Variants in SAMMSON observed in about 807,000 individuals in gnomAD.
The protein encoded by SAMMSON is survival associated mitochondrial melanoma specific oncogenic non-coding RNA, also known as long intergenic non-protein coding RNA 1212.
chr3:70,406,806 G>A (rs1701181687), intron 2 of SAMMSON, among the ~76,000 whole-genome samples: 1 of 152,170 alleles, frequency 6.6e-6, no homozygotes, highest in South Asian at 2.1e-4. Context: ...AGGTAAAAGA[G>A]AGACAATAGT....
At chr3:70,111,166 G>C (rs1328045398) in intron 4 of SAMMSON, among the ~76,000 whole-genome samples, 1 of 152,128 alleles carries the variant, frequency 6.6e-6, no homozygotes, top group African/African-American at 2.4e-5. Context: ...ATAATGACAT[G>C]GTGTTGGGAT....
intron 3 of SAMMSON, among the ~76,000 whole-genome samples, chr3:70,015,640 G>T (rs1257504682): frequency 1.3e-5 from 2 of 150,028 alleles, no homozygotes; most frequent in African/African-American, 5.1e-5. Flanking sequence ...ATGTATACAT[G>T]TGCAATGTTG....
intron 7 of SAMMSON, among the ~76,000 whole-genome samples, chr3:70,294,787 T>G (rs373346353): frequency 6.6e-6 from 1 of 152,186 alleles, no homozygotes. Context: ...GATGTGTGGC[T>G]TTTTGCTCAG....
intron 3 of SAMMSON, among the ~76,000 whole-genome samples, chr3:70,044,369 C>A (rs1433658804): frequency 6.6e-6 from 1 of 151,814 alleles, no homozygotes; most frequent in Non-Finnish European, 1.5e-5. Flanking sequence ...ATGTTTTAGG[C>A]TGCTAAAGTT....
At chr3:70,419,990 T>C (rs149576807) in intron 2 of SAMMSON, among the ~76,000 whole-genome samples, 5 of 152,308 alleles carry the variant, frequency 3.3e-5, no homozygotes, top group East Asian at 1.9e-4. Context: ...ATATTCTTCA[T>C]TGAAGAAAAG....
chr3:70,279,741 G>C (rs1702063095), intron 6 of SAMMSON, among the ~76,000 whole-genome samples: 1 of 152,174 alleles, frequency 6.6e-6, no homozygotes, highest in Non-Finnish European at 1.5e-5. Context: ...TTGCCAAGGA[G>C]CTGGATGGCA....
Position 70,365,983 on chromosome 3 carries a change from T to C in SAMMSON, n.913+7659T>C, listed in dbSNP as rs1221091850. On this transcript the variant is annotated intron_variant and non_coding_transcript_variant, in intron 9 of 9. Transcript: ENST00000642114. Reference sequence around the variant, plus strand: ...GCTTTACCTTTTCTTTTTTTTTTTTTTTTTTTTTTTTTTTTTTTGAGACGG... The same window carrying C: ...GCTTTACCTTTTCTTTTTTTTTTTTCTTTTTTTTTTTTTTTTTTGAGACGG... Among the ~76,000 whole-genome samples, 7 of 18,264 alleles carry C rather than the reference T, an allele frequency of 3.8e-4. 2 individuals are homozygous for C. The highest frequency in any genetic ancestry group is 0.059 in the Middle Eastern group (2 of 34). The allele number at this position is 18,264 out of a possible 152,430, so 12.0% of individuals were successfully genotyped here. A position where few individuals can be genotyped will look rare whatever the true frequency, so the allele number is the denominator to read the frequency against.
At chr3:70,116,719 A>C (rs2067413233) in intron 4 of SAMMSON, among the ~76,000 whole-genome samples, 1 of 152,186 alleles carries the variant, frequency 6.6e-6, no homozygotes, top group South Asian at 2.1e-4. Context: ...ATCATGAATG[A>C]AGAAAAGGGA....
intron 2 of SAMMSON, among the ~76,000 whole-genome samples, chr3:70,411,248 C>T (rs1301047697): frequency 1.3e-5 from 2 of 152,088 alleles, no homozygotes; most frequent in Non-Finnish European, 2.9e-5. Flanking sequence ...TTTTTATATT[C>T]TCTTTGTCAG....
intron 3 of SAMMSON, among the ~76,000 whole-genome samples, chr3:70,017,399 T>C (rs1469218780): frequency 6.6e-6 from 1 of 152,092 alleles, no homozygotes; most frequent in Non-Finnish European, 1.5e-5. Flanking sequence ...GTTATTGGTG[T>C]ATAAGAATGC....
intron 4 of SAMMSON, among the ~76,000 whole-genome samples, chr3:70,225,827 T>C (rs952970701): frequency 4.6e-5 from 7 of 152,208 alleles, no homozygotes; most frequent in Non-Finnish European, 1.5e-5. Flanking sequence ...GTTGAAATAA[T>C]GTTATAATGA....
intron 1 of SAMMSON, among the ~76,000 whole-genome samples, chr3:70,007,774 C>T (rs142302683): frequency 0.036 from 5,521 of 152,030 alleles, 334 homozygotes; most frequent in African/African-American, 0.13. Context: ...GTTTTTATGG[C>T]TTTAGGTCTA....
chr3:70,273,267 A>T (rs1701991197), intron 6 of SAMMSON, among the ~76,000 whole-genome samples: 1 of 152,356 alleles, frequency 6.6e-6, no homozygotes, highest in African/African-American at 2.4e-5. Context: ...TGAGTTCATT[A>T]AATCTTAGTC....
intron 4 of SAMMSON, chr3:70,137,515 T>TA (rs1229148891): frequency 1.3e-5 from 2 of 152,202 alleles, no homozygotes; most frequent in Non-Finnish European, 2.9e-5. Flanking sequence ...TCATTTTTTT[T>TA]ACATATTGTC....
chr3:70,245,675 A>ATG lies in SAMMSON; in HGVS notation n.508-3431_508-3430insGT, dbSNP rs1575605582. Among the ~76,000 whole-genome samples the ATG allele has an allele frequency of 7.8e-5, 6 of 76,516 alleles. No homozygotes were observed. In the South Asian group the frequency reaches 1.3e-3, roughly 16 times the overall value. 50.2% of individuals were successfully genotyped at this position (76,516 alleles called of 152,430 possible). A position where few individuals can be genotyped will look rare whatever the true frequency, so the allele number is the denominator to read the frequency against. The stretch of plus-strand genomic sequence containing the variant: ...ATAACGTTTTTGCAAACTGCTTTAT[A>ATG]TATATATATATATATATATATATAT... On this transcript the variant is annotated intron_variant and non_coding_transcript_variant, in intron 4 of 9. Coordinates refer to ENST00000642114, the Ensembl canonical transcript of SAMMSON.
At chr3:70,403,415 T>G (rs1701156005) in intron 2 of SAMMSON, among the ~76,000 whole-genome samples, 1 of 152,182 alleles carries the variant, frequency 6.6e-6, no homozygotes, top group Non-Finnish European at 1.5e-5. Flanking sequence ...TGTTCATGTT[T>G]GAGAGTCTTA....
chr3:70,378,985 T>TTATG (rs1703043333), intron 9 of SAMMSON, among the ~76,000 whole-genome samples: 1 of 106,504 alleles, frequency 9.4e-6, no homozygotes, highest in Admixed American at 9.5e-5. Flanking sequence ...ACACTTTTAT[T>TTATG]TATTTATTTA....
chr3:70,354,716 G>GC (rs1702816721), intron 8 of SAMMSON, among the ~76,000 whole-genome samples: 1 of 152,138 alleles, frequency 6.6e-6, no homozygotes, highest in Non-Finnish European at 1.5e-5. Flanking sequence ...TGGCAGGAAG[G>GC]CCCAGACTCC....
At chr3:70,115,930 T>A (rs1209082444) in intron 4 of SAMMSON, among the ~76,000 whole-genome samples, 1 of 152,168 alleles carries the variant, frequency 6.6e-6, no homozygotes, top group African/African-American at 2.4e-5. Context: ...AAGTTGGTGA[T>A]ATTTATTGGA....
Sources: gnomAD v4.1 joint callset for allele counts (sites outside exome capture counted in the v4.1 genomes callset) on GRCh38, gnomAD v4.1.1 for gene constraint, MANE v1.5 for transcripts, NCBI Gene and HGNC (gene_info 2026-07-23, HGNC 2026-07-21) for gene names.